Variants in SMOC1 observed in about 807,000 individuals in gnomAD.
SMOC1 encodes the protein SPARC related modular calcium binding 1.
SMOC1 carries 22 observed loss-of-function variants against 56.3 expected under a neutral mutation model. The ratio of observed to expected loss-of-function variants is 0.39; its 90% CI spans 0.28 to 0.56. The LOEUF (loss-of-function observed/expected upper bound fraction) is 0.56, where lower values mean the gene tolerates loss of function less well. Ranked by LOEUF, SMOC1 falls within the 20% of genes least tolerant of loss-of-function variation. The probability of loss-of-function intolerance (pLI) is 0.61; values close to 1 mark genes in which losing one functional copy is unlikely to be tolerated. For missense variants in SMOC1, 509 were observed against 565.4 expected, an observed-to-expected ratio of 0.90 and a Z score of 1.01; for synonymous variants, 193 against 215.0, an observed-to-expected ratio of 0.90 and a Z score of 0.89.
At chr14:69,953,569 G>A in intron 3 of SMOC1, 37 bp downstream of exon 3, 1 of 1,577,490 alleles carries the variant, frequency 6.3e-7, no homozygotes, top group Non-Finnish European at 8.7e-7. Context: ...CTCTTTCCTG[G>A]ACCGAGGCAG....
chr14:69,923,611 G>A (rs1166036145), intron 1 of SMOC1, among the ~76,000 whole-genome samples: 1 of 152,028 alleles, frequency 6.6e-6, no homozygotes, highest in Admixed American at 6.6e-5. Flanking sequence ...TAATTTCATC[G>A]AGTCCCTTGG....
intron 1 of SMOC1, among the ~76,000 whole-genome samples, chr14:69,928,020 A>C (rs1566676730): frequency 1.3e-5 from 2 of 152,176 alleles, no homozygotes; most frequent in African/African-American, 4.8e-5. Context: ...GAAAGGAGGG[A>C]TGCTGGGCAC....
intron 1 of SMOC1, among the ~76,000 whole-genome samples, chr14:69,929,561 C>T (rs549511287): frequency 6.6e-6 from 1 of 152,118 alleles, no homozygotes; most frequent in Non-Finnish European, 1.5e-5. Flanking sequence ...CCTGAGAAAC[C>T]GAGTGCTTTC....
At chr14:70,004,935 GA>G (rs1281158444) in intron 7 of SMOC1, among the ~76,000 whole-genome samples, 1 of 152,158 alleles carries the variant, frequency 6.6e-6, no homozygotes, top group Non-Finnish European at 1.5e-5. Flanking sequence ...CCATCACCAT[GA>G]GGTTCCCATG....
rs371631393 is a variant in SMOC1 at position 70,004,454 on chromosome 14, A to G, written c.665-6300A>G. On this transcript the variant is annotated intron_variant, in intron 7 of 11. Coordinates refer to ENST00000361956, the MANE Select transcript of SMOC1 (RefSeq NM_001034852.3). ...TCATAATGTGGGTGGGTCCCATCCA[A>G]TCAGTGGAAGGGCTTAAGAGCAAAG... 4.9e-4 allele frequency among the ~76,000 whole-genome samples: 75 copies of G among 152,348 alleles called. No individual in the cohort carries two copies. The South Asian group carries it at 0.011, about 23-fold the overall frequency.
At chr14:69,998,428 GTTT>G (rs36077349) in intron 7 of SMOC1, among the ~76,000 whole-genome samples, 1 of 146,552 alleles carries the variant, frequency 6.8e-6, no homozygotes, top group Non-Finnish European at 1.5e-5. Flanking sequence ...CTCTTGCTAA[GTTT>G]TTTTTTTTTT....
At chr14:69,943,676 T>TG in intron 1 of SMOC1, among the ~76,000 whole-genome samples, 1 of 151,890 alleles carries the variant, frequency 6.6e-6, no homozygotes, top group Admixed American at 6.5e-5. Flanking sequence ...AGAGTGGCTT[T>TG]CCCCCCCCTT....
intron 1 of SMOC1, among the ~76,000 whole-genome samples, chr14:69,883,533 A>G (rs369205272): frequency 1.2e-4 from 19 of 152,350 alleles, no homozygotes; most frequent in Middle Eastern, 3.4e-3. Flanking sequence ...ATCCACTGAT[A>G]GACAATTAGG....
intron 5 of SMOC1, 82 bp downstream of exon 5, chr14:69,978,047 C>A: frequency 8.7e-7 from 1 of 1,143,238 alleles, no homozygotes; most frequent in Non-Finnish European, 1.3e-6. Flanking sequence ...ATAGAAGGAG[C>A]CTGGGGTGAA....
At chr14:70,023,820 AGT>A (rs1359046158) in intron 11 of SMOC1, among the ~76,000 whole-genome samples, 1 of 143,154 alleles carries the variant, frequency 7.0e-6, no homozygotes, top group East Asian at 2.0e-4. Context: ...TGTGTGTGTG[AGT>A]GTGTGTATGT....
chr14:69,990,469 G>A (rs1884521598), intron 5 of SMOC1, among the ~76,000 whole-genome samples: 1 of 152,198 alleles, frequency 6.6e-6, no homozygotes, highest in Non-Finnish European at 1.5e-5. Context: ...GCCACCCTGT[G>A]TGGAAGGGCT....
chr14:69,984,439 A>G (rs565470199), intron 5 of SMOC1, among the ~76,000 whole-genome samples: 1 of 152,344 alleles, frequency 6.6e-6, no homozygotes, highest in African/African-American at 2.4e-5. Context: ...GAGAATTAAG[A>G]AAAAACTACA....
chr14:70,010,176 CCTA>C (rs1326803823), intron 7 of SMOC1, among the ~76,000 whole-genome samples: 1 of 152,232 alleles, frequency 6.6e-6, no homozygotes, highest in African/African-American at 2.4e-5. Flanking sequence ...ATTCACTCGG[CCTA>C]CTTTGTCCAG....
chr14:69,990,048 C>T (rs1490780874), intron 5 of SMOC1, among the ~76,000 whole-genome samples: 1 of 152,210 alleles, frequency 6.6e-6, no homozygotes, highest in Non-Finnish European at 1.5e-5. Context: ...TCTCTTCACC[C>T]TCAGTGACCC....
rs372114965 is a variant in SMOC1 at position 69,902,769 on chromosome 14, G to T, written c.99+22992G>T. Among the ~76,000 whole-genome samples the T allele has an allele frequency of 6.3e-3, 956 of 151,832 alleles. 5 individuals are homozygous for T. The highest frequency in any genetic ancestry group is 0.019 in the African/African-American group (797 of 41,422). On this transcript the variant is annotated intron_variant, in intron 1 of 11. Coordinates refer to ENST00000361956, the MANE Select transcript of SMOC1 (RefSeq NM_001034852.3). ...GTGCCTGCGATTGCAGGCGCGCGCC[G>T]CCACGCCTGACTGGTTTTCGTATTT...
intron 1 of SMOC1, chr14:69,886,126 C>G (rs1883803315): frequency 1.3e-6 from 2 of 1,534,430 alleles, no homozygotes; most frequent in Non-Finnish European, 1.8e-6. Context: ...CCTTGGCCTT[C>G]TTTCCTTTCG....
intron 1 of SMOC1, among the ~76,000 whole-genome samples, chr14:69,886,322 C>T (rs948454890): frequency 7.9e-5 from 12 of 152,224 alleles, no homozygotes; most frequent in Non-Finnish European, 2.9e-5. Flanking sequence ...ATGAACAAAT[C>T]TGCAAGCCCC....
At chr14:69,894,364 C>T (rs989989673) in intron 1 of SMOC1, among the ~76,000 whole-genome samples, 1 of 152,232 alleles carries the variant, frequency 6.6e-6, no homozygotes, top group East Asian at 1.9e-4. Flanking sequence ...GGAGAGTCTT[C>T]ATTCCTAGAT....
intron 3 of SMOC1, among the ~76,000 whole-genome samples, chr14:69,974,809 C>T (rs1883893722): frequency 6.6e-6 from 1 of 152,134 alleles, no homozygotes; most frequent in South Asian, 2.1e-4. Context: ...GAAGATCACA[C>T]AGTGGTGCAG....
Sources: allele counts gnomAD v4.1 joint callset (sites outside exome capture counted in the v4.1 genomes callset), GRCh38; gene constraint gnomAD v4.1.1; transcripts MANE v1.5; gene names NCBI Gene and HGNC (gene_info 2026-07-23, HGNC 2026-07-21).